Variants in NACC1 observed in about 807,000 individuals in gnomAD.
NACC1 encodes nucleus accumbens associated 1.
NACC1 carries 6 observed loss-of-function variants against 41.7 expected under a neutral mutation model. The ratio of observed to expected loss-of-function variants is 0.14; its 90% CI spans 0.08 to 0.28. The LOEUF is 0.28. NACC1 is among the 10% of genes least tolerant of loss of function. The probability of loss-of-function intolerance (pLI) is 1.00; values close to 1 mark genes in which losing one functional copy is unlikely to be tolerated. For synonymous variants in NACC1, 338 were observed against 330.6 expected (o/e 1.02, Z -0.24); for missense variants, 434 against 763.7 (o/e 0.57, Z 5.09).
At chr19:13,118,730 C>T (rs2019444232) in intron 1 of NACC1, among the ~76,000 whole-genome samples, 1 of 133,678 alleles carries the variant, frequency 7.5e-6, no homozygotes, top group Non-Finnish European at 1.6e-5. Flanking sequence ...GGGCAGGTAC[C>T]GGGGATCCGG....
chr19:13,138,424 G>A lies in NACC1; in HGVS notation c.*18G>A, dbSNP rs370140588. On this transcript the variant is annotated 3_prime_UTR_variant, in exon 6 of 6. Coordinates refer to ENST00000292431, the MANE Select transcript of NACC1 (RefSeq NM_052876.4). This position sits in a 1 kb window ranked among gnomAD's most constrained non-coding sequence, Gnocchi z 5.7. ...TGCAGTAACCCGCCCAGCCTCCCGC[G>A]GGGCCACACACTTCCCCTCCCAACA... The A allele has an allele frequency of 3.0e-5, 48 of 1,604,756 alleles. No individual in the cohort carries two copies. In the South Asian group the frequency reaches 4.7e-4, roughly 16 times the overall value.
chr19:13,126,340 C>A lies in NACC1; in HGVS notation c.-9+7886C>A, dbSNP rs545581061. On this transcript the variant is annotated intron_variant, in intron 1 of 5. Coordinates refer to ENST00000292431, the MANE Select transcript of NACC1 (RefSeq NM_052876.4). ...TGCTGGGGTTACAGGCGTGAGTCAC[C>A]GTGCCCAGCCAGCCCCACTTCTTAA... 3.2e-4 allele frequency among the ~76,000 whole-genome samples: 49 copies of A among 152,260 alleles called. No individual in the cohort carries two copies. In the South Asian group the frequency reaches 7.9e-3, roughly 24 times the overall value.
At position 13,136,112 on chromosome 19, in the gene NACC1, A is replaced by G. The variant is rs753751421; in HGVS notation, c.905A>G (p.Asn302Ser). The change falls in exon 2 of 6, where the codon AAC becomes AGC. Residue 302 changes from asparagine (N) to serine (S), a missense_variant. Asn to Ser is a conservative substitution (Grantham distance 46). Transcript: ENST00000292431. This position sits in a 1 kb window ranked among gnomAD's most constrained non-coding sequence, Gnocchi z 5.5. ...GMDEQYRQIC[N>S]MYTMYSMMNV... ...GATGAGCAGTACCGGCAGATCTGCA[A>G]CATGTACACCATGTACAGCATGATG... 11 of 1,613,928 alleles carry G rather than the reference A, an allele frequency of 6.8e-6. No individual in the cohort carries two copies. Among genetic ancestry groups the G allele is most frequent in the East Asian group, 2.2e-5 (1 of 44,874 alleles).
At chr19:13,128,848 G>A (rs964172026) in intron 1 of NACC1, among the ~76,000 whole-genome samples, 3 of 152,234 alleles carry the variant, frequency 2.0e-5, no homozygotes, top group Non-Finnish European at 4.4e-5. Flanking sequence ...GGTCTCACCA[G>A]AAGATCTGCT....
At chr19:13,134,506 G>T (rs1273858281) in intron 1 of NACC1, among the ~76,000 whole-genome samples, 1 of 152,098 alleles carries the variant, frequency 6.6e-6, no homozygotes, top group Non-Finnish European at 1.5e-5. Context: ...TAGTAGCTGG[G>T]ACTACATACC....
In NACC1 at chr19:13,139,892, G is replaced by C. The variant is rs1264513948; in HGVS notation, c.*1486G>C. On this transcript the variant is annotated 3_prime_UTR_variant, in exon 6 of 6. Transcript: ENST00000292431. ...TTTCACCATCCACATCCACATCCTT[G>C]TTTGTGTTTCTGGCCCTCGTCCTCC... 6.6e-6 allele frequency: 1 copy of C among 152,092 alleles called. No homozygotes were observed. Among genetic ancestry groups the C allele is most frequent in the Non-Finnish European group, 1.5e-5 (1 of 68,060 alleles). The allele number at this position is 152,092 out of a possible 1,614,324, so 9.4% of individuals were successfully genotyped here.
chr19:13,137,327 A>G lies in NACC1; in HGVS notation c.1177A>G (p.Thr393Ala). 2 of 1,613,578 alleles carry G rather than the reference A, an allele frequency of 1.2e-6. No individual in the cohort carries two copies. The highest frequency in any genetic ancestry group is 8.5e-7 in the Non-Finnish European group (1 of 1,179,858). Reference protein sequence around the residue: ...QLMNCHVSAGTRHKVLLRRLL... With the variant: ...QLMNCHVSAGARHKVLLRRLL... ...GATGAACTGCCACGTCAGCGCAGGC[A>G]CGCGGCACAAGGTCCTACTGCGGCG... The change falls in exon 4 of 6, where the codon ACG becomes GCG. Residue 393 changes from threonine to alanine, a missense_variant. This residue lies in a region of NACC1 where 70 missense variants were observed against 206.9 expected (regional missense o/e 0.34). Transcript: ENST00000292431. This position sits in a 1 kb window ranked among gnomAD's most constrained non-coding sequence, Gnocchi z 6.1.
At chr19:13,133,218 G>T (rs1161218421) in intron 1 of NACC1, among the ~76,000 whole-genome samples, 1 of 152,110 alleles carries the variant, frequency 6.6e-6, no homozygotes, top group East Asian at 1.9e-4. Flanking sequence ...ACTCAGGGAA[G>T]CCTTCTCACT....
At chr19:13,134,819 C>G (rs1206174687) in intron 1 of NACC1, among the ~76,000 whole-genome samples, 5 of 152,196 alleles carry the variant, frequency 3.3e-5, no homozygotes, top group Admixed American at 2.6e-4. Context: ...ATATATGTAC[C>G]TGGTGCTTGC....
chr19:13,120,522 T>C (rs1200012771), intron 1 of NACC1, among the ~76,000 whole-genome samples: 4 of 152,200 alleles, frequency 2.6e-5, no homozygotes, highest in African/African-American at 9.6e-5. Flanking sequence ...AGTCTCCCTA[T>C]AGTTCCCAGG....
rs2019766162 is a variant in NACC1, at chr19:13,140,006, G to T, written c.*1600G>T. 6.6e-6 allele frequency: 1 copy of T among 152,164 alleles called. No homozygotes were observed. Among genetic ancestry groups the T allele is most frequent in the African/African-American group, 2.4e-5 (1 of 41,404 alleles). The allele number at this position is 152,164 out of a possible 1,614,324, so 9.4% of individuals were successfully genotyped here. A position where few individuals can be genotyped will look rare whatever the true frequency, so the allele number is the denominator to read the frequency against. The stretch of plus-strand genomic sequence containing the variant: ...AGGGGGATTTTAGGAGATGGGGTGG[G>T]GGCCAGCCCCTACTGGACCCTTGTA... On this transcript the variant is annotated 3_prime_UTR_variant, in exon 6 of 6. Coordinates refer to ENST00000292431, the MANE Select transcript of NACC1 (RefSeq NM_052876.4). This position sits in a 1 kb window ranked among gnomAD's most constrained non-coding sequence, Gnocchi z 4.0.
intron 1 of NACC1, among the ~76,000 whole-genome samples, 190 bp downstream of exon 1, chr19:13,118,644 C>T (rs1356026986): frequency 6.6e-6 from 1 of 151,614 alleles, no homozygotes; most frequent in African/African-American, 2.4e-5. Flanking sequence ...GCCCGAGCTT[C>T]AGGGCTTGGG....
chr19:13,121,506 G>A (rs1312513423), intron 1 of NACC1, among the ~76,000 whole-genome samples: 2 of 152,202 alleles, frequency 1.3e-5, no homozygotes, highest in Non-Finnish European at 2.9e-5. Context: ...GCCCCAGCAG[G>A]TTCTTGAGCT....
At chr19:13,118,736 T>A (rs2019444563) in intron 1 of NACC1, among the ~76,000 whole-genome samples, 1 of 141,600 alleles carries the variant, frequency 7.1e-6, no homozygotes. Flanking sequence ...GTACCGGGGA[T>A]CCGGGGAAGT....
At chr19:13,125,844 A>G (rs918757649) in intron 1 of NACC1, among the ~76,000 whole-genome samples, 5 of 151,790 alleles carry the variant, frequency 3.3e-5, no homozygotes, top group African/African-American at 7.3e-5. Flanking sequence ...GGTTCAAGCA[A>G]TTCTGCCTCA....
intron 1 of NACC1, among the ~76,000 whole-genome samples, chr19:13,127,024 C>T (rs1183264493): frequency 2.0e-5 from 3 of 151,926 alleles, no homozygotes. Context: ...CACTTGAGCC[C>T]AGGAGTTTGA....
In NACC1 at chr19:13,139,324, C is replaced by G. The variant is rs1370047857; in HGVS notation, c.*918C>G. ...CCACAGCAGGGCTCCTGGCCCCCAC[C>G]CCCCTGTACATAATTTTTAAAACCT... On this transcript the variant is annotated 3_prime_UTR_variant, in exon 6 of 6. Transcript: ENST00000292431. The G allele has an allele frequency of 6.6e-6, 1 of 152,126 alleles. No individual in the cohort carries two copies. The highest frequency in any genetic ancestry group is 2.1e-4 in the South Asian group (1 of 4,820). The allele number at this position is 152,126 out of a possible 1,614,324, so 9.4% of individuals were successfully genotyped here. A position where few individuals can be genotyped will look rare whatever the true frequency, so the allele number is the denominator to read the frequency against.
At chr19:13,126,283 CCTCGTGAT>C (rs1485826846) in intron 1 of NACC1, among the ~76,000 whole-genome samples, 1 of 150,436 alleles carries the variant, frequency 6.6e-6, no homozygotes, top group African/African-American at 2.4e-5. Context: ...GACCTCGTGA[CCTCGTGAT>C]CCGCCCTCCT....
At chr19:13,117,161 C>G (rs557689215), upstream of NACC1, 2 of 152,290 alleles carry the variant, frequency 1.3e-5, no homozygotes, top group Admixed American at 1.3e-4. Flanking sequence ...GATTAAATGA[C>G]AGATTCCTGG....
Sources: gnomAD v4.1 joint callset for allele counts (sites outside exome capture counted in the v4.1 genomes callset) on GRCh38, gnomAD v4.1.1 for gene constraint, gnomAD v4.1.1 regional missense constraint, Gnocchi (gnomAD v3.1) non-coding constraint, MANE v1.5 for transcripts, NCBI Gene and HGNC (gene_info 2026-07-23, HGNC 2026-07-21) for gene names.